Variants in VPS13B observed in about 807,000 individuals in gnomAD.
VPS13B encodes the protein intermembrane lipid transfer protein VPS13B.
In VPS13B, 285 loss-of-function variants were observed where a neutral mutation model predicts 426.4. That is an observed-to-expected ratio of 0.67 (90% CI 0.61 to 0.74). VPS13B has a LOEUF of 0.74. Among genes scored for constraint, VPS13B ranks in the 30% least tolerant of loss-of-function variants. The pLI is 0.00. For missense variants in VPS13B, 4,537 were observed against 4,782.6 expected (o/e 0.95, Z 1.51); for synonymous variants, 1,676 against 1,676.4 (o/e 1.00, Z 0.01).
In VPS13B at chr8:99,835,737, A is replaced by C; in HGVS notation, c.9941A>C (p.Gln3314Pro). 6.2e-7 allele frequency: 1 copy of C among 1,614,118 alleles called. No homozygotes were observed. The highest frequency in any genetic ancestry group is 1.3e-5 in the African/African-American group (1 of 75,054). The change falls in exon 54 of 62, where the codon CAG becomes CCG. Residue 3314 changes from glutamine (Q) to proline (P), a missense_variant and splice_region_variant. This residue lies in a region of VPS13B where 4,311 missense variants were observed against 4,474.3 expected (regional missense o/e 0.96). Transcript: ENST00000357162. ...DAIDINSQGT[Q>P]VVFLTGFGYV... ...ATTGACATCAACAGTCAGGGAACAC[A>C]GGTCAGTGAGCCATGTGTTCCTGCC...
chr8:99,101,302 T>C (rs528674569), intron 4 of VPS13B, among the ~76,000 whole-genome samples: 1 of 152,130 alleles, frequency 6.6e-6, no homozygotes, highest in South Asian at 2.1e-4. Flanking sequence ...CGGCTAATTT[T>C]TTTGTATTTT....
At chr8:99,721,556 T>G (rs902926872) in intron 39 of VPS13B, among the ~76,000 whole-genome samples, 7 of 150,840 alleles carry the variant, frequency 4.6e-5, no homozygotes, top group Non-Finnish European at 8.8e-5. Flanking sequence ...GAAAGTGTGT[T>G]GCTTGTTATT....
intron 19 of VPS13B, among the ~76,000 whole-genome samples, chr8:99,366,740 A>G (rs1463110283): frequency 1.3e-5 from 2 of 150,674 alleles, no homozygotes; most frequent in South Asian, 4.2e-4. Context: ...TCTTGCTTTT[A>G]TTTTTTGTGT....
At chr8:99,317,879 G>A (rs1452913001) in intron 19 of VPS13B, among the ~76,000 whole-genome samples, 4 of 152,078 alleles carry the variant, frequency 2.6e-5, no homozygotes, top group Admixed American at 2.6e-4. Context: ...ATGAATGTAG[G>A]TGCATGCACT....
intron 43 of VPS13B, among the ~76,000 whole-genome samples, chr8:99,808,212 T>C (rs759926102): frequency 6.6e-6 from 1 of 152,190 alleles, no homozygotes; most frequent in Non-Finnish European, 1.5e-5. Flanking sequence ...ATGATATAAA[T>C]ATATCTTTCT....
intron 23 of VPS13B, among the ~76,000 whole-genome samples, chr8:99,446,387 G>A (rs768120926): frequency 1.7e-4 from 26 of 151,960 alleles, no homozygotes; most frequent in Non-Finnish European, 2.9e-4. Flanking sequence ...GAAGTCGTTT[G>A]TCCTTTTCCT....
At chr8:99,320,030 A>G (rs979850016) in intron 19 of VPS13B, among the ~76,000 whole-genome samples, 2 of 152,186 alleles carry the variant, frequency 1.3e-5, no homozygotes, top group African/African-American at 4.8e-5. Context: ...TATTAAAAGC[A>G]TGAGAGGGAG....
intron 19 of VPS13B, among the ~76,000 whole-genome samples, chr8:99,285,995 C>T (rs989323629): frequency 2.0e-5 from 3 of 152,164 alleles, no homozygotes; most frequent in East Asian, 1.9e-4. Flanking sequence ...TTTCACCTCC[C>T]TCTGACTTTT....
At chr8:99,392,767 AAAATATG>A (rs1232189514) in intron 21 of VPS13B, among the ~76,000 whole-genome samples, 1 of 152,134 alleles carries the variant, frequency 6.6e-6, no homozygotes, top group African/African-American at 2.4e-5. Context: ...GATTTTTCCT[AAAATATG>A]ACATTAATTA....
intron 8 of VPS13B, among the ~76,000 whole-genome samples, chr8:99,132,223 A>G (rs1299664726): frequency 6.6e-6 from 1 of 152,106 alleles, no homozygotes; most frequent in Non-Finnish European, 1.5e-5. Context: ...GTCGAAATTG[A>G]AGTCAGTCCT....
In VPS13B at chr8:99,111,271, G is replaced by C; in HGVS notation, c.754G>C (p.Val252Leu). ...AAACCTAAATTCCAAGATGCCATCT[G>C]TTATTAAAGTAGGTATCTCTTTTTT... is the stretch of plus-strand genomic sequence containing the variant. ...YENLNSKMPS[V>L]IKIHTLVESL... Residue 252 changes from valine to leucine, a missense_variant, in exon 6 of 62, where the codon GTT (valine) becomes CTT (leucine). Coordinates refer to ENST00000357162, the MANE Select transcript of VPS13B (RefSeq NM_152564.5). 1 of 1,600,958 alleles carries C rather than the reference G, an allele frequency of 6.2e-7. No individual in the cohort carries two copies. The highest frequency in any genetic ancestry group is 8.5e-7 in the Non-Finnish European group (1 of 1,174,762).
At chr8:99,604,495 GTTT>G (rs767971168) in intron 33 of VPS13B, among the ~76,000 whole-genome samples, 1 of 115,286 alleles carries the variant, frequency 8.7e-6, no homozygotes, top group Non-Finnish European at 1.8e-5. Flanking sequence ...TTTCCTTGGT[GTTT>G]TTTTTTTTTT....
At chr8:99,137,831 A>G (rs1402776198) in intron 12 of VPS13B, among the ~76,000 whole-genome samples, 1 of 152,200 alleles carries the variant, frequency 6.6e-6, no homozygotes, top group Non-Finnish European at 1.5e-5. Context: ...TAAATATCCA[A>G]TGCATACTTG....
In VPS13B at chr8:99,468,191, C is replaced by T. The variant is rs528187892; in HGVS notation, c.3666+557C>T. On this transcript the variant is annotated intron_variant, in intron 24 of 61. Coordinates refer to ENST00000357162, the MANE Select transcript of VPS13B (RefSeq NM_152564.5). ...GCCTGAGTGTGTGATGTTCCCCACCCTGTGTCCAAGTGTTCTCATTGTTCA... is the reference window on the plus strand; with the variant it reads ...GCCTGAGTGTGTGATGTTCCCCACCTTGTGTCCAAGTGTTCTCATTGTTCA... Among the ~76,000 whole-genome samples, 4 of 152,246 alleles carry T rather than the reference C, an allele frequency of 2.6e-5. 1 individual carries two copies. In the South Asian group the frequency reaches 8.3e-4, roughly 32 times the overall value.
At chr8:99,222,859 T>C (rs1815802311) in intron 17 of VPS13B, among the ~76,000 whole-genome samples, 2 of 152,158 alleles carry the variant, frequency 1.3e-5, no homozygotes, top group South Asian at 4.1e-4. Context: ...ATTTTTGAGA[T>C]AGAGTCTTAC....
At position 99,384,258 on chromosome 8, in the gene VPS13B, A is replaced by G. The variant is rs1284692171; in HGVS notation, c.2875A>G (p.Ile959Val). Reference sequence around the variant, plus strand: ...AGGACTAGCAGTTAATATTGACCCAATCTTATATACGTGGCTCATCTATCA... The same window carrying G: ...AGGACTAGCAGTTAATATTGACCCAGTCTTATATACGTGGCTCATCTATCA... The part of the protein sequence containing the change: ...IQGLAVNIDP[I>V]LYTWLIYQPQ... Residue 959 changes from isoleucine (I) to valine (V), a missense_variant, in exon 20 of 62, where the codon ATC becomes GTC. Physicochemically the swap from Ile to Val is conservative, Grantham distance 29. Around this residue, in one of 2 missense-constraint regions of VPS13B, gnomAD observed 4,311 missense variants for 4,474.3 expected, o/e 0.96. Coordinates refer to ENST00000357162, the MANE Select transcript of VPS13B (RefSeq NM_152564.5). 2 of 1,614,012 alleles carry G rather than the reference A, an allele frequency of 1.2e-6. No individual in the cohort carries two copies. The highest frequency in any genetic ancestry group is 1.7e-6 in the Non-Finnish European group (2 of 1,179,960).
At chr8:99,262,751 T>A (rs1437054019) in intron 17 of VPS13B, among the ~76,000 whole-genome samples, 2 of 151,194 alleles carry the variant, frequency 1.3e-5, no homozygotes, top group Non-Finnish European at 2.9e-5. Context: ...TCCTGGCTGT[T>A]TGAATGTTTT....
intron 15 of VPS13B, among the ~76,000 whole-genome samples, chr8:99,161,521 A>G (rs1045637464): frequency 2.0e-5 from 3 of 152,176 alleles, no homozygotes; most frequent in Non-Finnish European, 4.4e-5. Flanking sequence ...GTGTAATGTA[A>G]AAGTTATTTA....
chr8:99,328,746 G>A (rs1810408547), intron 19 of VPS13B, among the ~76,000 whole-genome samples: 1 of 152,090 alleles, frequency 6.6e-6, no homozygotes, highest in Non-Finnish European at 1.5e-5. Context: ...GTCAGTTTGA[G>A]TGTTTTAAAT....
Sources: gnomAD v4.1 joint callset for allele counts (sites outside exome capture counted in the v4.1 genomes callset) on GRCh38, gnomAD v4.1.1 for gene constraint, gnomAD v4.1.1 regional missense constraint, MANE v1.5 for transcripts, NCBI Gene and HGNC (gene_info 2026-07-23, HGNC 2026-07-21) for gene names.